GPC5: variants seen among roughly 807,000 people sequenced by gnomAD.
The protein encoded by GPC5 is glypican 5, also known as glypican-5.
Under a neutral mutation model 53.9 loss-of-function variants are expected in GPC5, and 47 were observed. The observed-to-expected ratio is 0.87, with a 90% CI of 0.69 to 1.11. GPC5 has a LOEUF of 1.11. Among genes scored for constraint, GPC5 ranks in the 50% most tolerant of loss-of-function variants. The probability of loss-of-function intolerance (pLI) is 0.00; values close to 1 mark genes in which losing one functional copy is unlikely to be tolerated. For missense variants in GPC5, 748 were observed against 713.1 expected, an observed-to-expected ratio of 1.05 and a Z score of -0.56; for synonymous variants, 286 against 263.3, an observed-to-expected ratio of 1.09 and a Z score of -0.84.
intron 7 of GPC5, among the ~76,000 whole-genome samples, chr13:92,850,514 G>A (rs1026129196): frequency 6.6e-6 from 1 of 152,228 alleles, no homozygotes; most frequent in South Asian, 2.1e-4. Flanking sequence ...CAGGAGAATC[G>A]CTGGAACCCA....
At chr13:92,772,008 A>T (rs1424739835) in intron 7 of GPC5, among the ~76,000 whole-genome samples, 3 of 152,218 alleles carry the variant, frequency 2.0e-5, no homozygotes, top group African/African-American at 7.2e-5. Context: ...ACTCATCTCC[A>T]AAATAATGAA....
intron 7 of GPC5, among the ~76,000 whole-genome samples, chr13:92,786,245 T>C (rs1268481818): frequency 6.6e-6 from 1 of 152,164 alleles, no homozygotes; most frequent in African/African-American, 2.4e-5. Context: ...ATGTAGAAAG[T>C]TCTGAACAAA....
chr13:92,319,786 T>C (rs996719297), intron 7 of GPC5, among the ~76,000 whole-genome samples: 6 of 152,198 alleles, frequency 3.9e-5, no homozygotes, highest in East Asian at 1.9e-4. Context: ...ATCCACATTG[T>C]TATTGCCATG....
intron 7 of GPC5, among the ~76,000 whole-genome samples, chr13:92,245,117 T>G (rs887292269): frequency 6.6e-6 from 1 of 152,098 alleles, no homozygotes; most frequent in African/African-American, 2.4e-5. Flanking sequence ...GGGACACTTG[T>G]CTCTTGCAAA....
chr13:92,457,822 C>G (rs1343960240), intron 7 of GPC5, among the ~76,000 whole-genome samples: 1 of 152,134 alleles, frequency 6.6e-6, no homozygotes, highest in Admixed American at 6.6e-5. Flanking sequence ...TCTCATCTCC[C>G]AATTCCTGAT....
chr13:92,257,508 T>C (rs1479161295), intron 7 of GPC5, among the ~76,000 whole-genome samples: 1 of 149,136 alleles, frequency 6.7e-6, no homozygotes, highest in Admixed American at 6.8e-5. Context: ...CATGTAGTTA[T>C]AACCTTTCAG....
At chr13:92,800,562 C>T (rs765275357) in intron 7 of GPC5, among the ~76,000 whole-genome samples, 13 of 151,784 alleles carry the variant, frequency 8.6e-5, no homozygotes, top group Non-Finnish European at 1.8e-4. Flanking sequence ...TTGGAATTAC[C>T]AACATTCCAG....
chr13:92,532,999 T>C (rs1396934916), intron 7 of GPC5, among the ~76,000 whole-genome samples: 2 of 152,138 alleles, frequency 1.3e-5, no homozygotes, highest in African/African-American at 4.8e-5. Context: ...TATATGACAG[T>C]CTCATTTTAT....
At chr13:92,802,137 A>AT (rs1876928872) in intron 7 of GPC5, among the ~76,000 whole-genome samples, 1 of 151,816 alleles carries the variant, frequency 6.6e-6, no homozygotes, top group Admixed American at 6.6e-5. Flanking sequence ...CAGGTGTACC[A>AT]TTTTTTATTG....
intron 6 of GPC5, among the ~76,000 whole-genome samples, chr13:92,023,905 T>G (rs971853181): frequency 6.6e-6 from 1 of 152,110 alleles, no homozygotes; most frequent in African/African-American, 2.4e-5. Context: ...TGACAATAAG[T>G]TCCAGGTACT....
chr13:92,663,963 T>C (rs1886484208), intron 7 of GPC5, among the ~76,000 whole-genome samples: 1 of 145,548 alleles, frequency 6.9e-6, no homozygotes, highest in Non-Finnish European at 1.5e-5. Flanking sequence ...TCCCAGCTAC[T>C]TGGGAGGCTG....
chr13:91,864,537 T>A (rs1439737024), intron 5 of GPC5, among the ~76,000 whole-genome samples: 1 of 152,202 alleles, frequency 6.6e-6, no homozygotes, highest in Admixed American at 6.5e-5. Context: ...TTTGCCATAT[T>A]ATTTATAAGT....
intron 5 of GPC5, among the ~76,000 whole-genome samples, chr13:91,770,022 T>TGG (rs2037593158): frequency 6.6e-6 from 1 of 152,130 alleles, no homozygotes; most frequent in Admixed American, 6.6e-5. Context: ...ATGCACAACT[T>TGG]CCATATGACT....
intron 7 of GPC5, among the ~76,000 whole-genome samples, chr13:92,214,980 G>A (rs1464877593): frequency 6.6e-6 from 1 of 152,154 alleles, no homozygotes; most frequent in Non-Finnish European, 1.5e-5. Context: ...GAGCCGCCAA[G>A]AGAAATGAAG....
At chr13:92,207,034 A>C (rs2042342826) in intron 7 of GPC5, among the ~76,000 whole-genome samples, 1 of 152,094 alleles carries the variant, frequency 6.6e-6, no homozygotes, top group Admixed American at 6.5e-5. Flanking sequence ...CTATCTTCTT[A>C]TTCATTTTTT....
chr13:91,832,389 A>G (rs189201960), intron 5 of GPC5, among the ~76,000 whole-genome samples: 2 of 146,412 alleles, frequency 1.4e-5, no homozygotes, highest in Non-Finnish European at 3.0e-5. Context: ...TGCATGTGAG[A>G]TGGGCCTCCT....
At chr13:91,870,950 G>A (rs1195321012) in intron 5 of GPC5, among the ~76,000 whole-genome samples, 1 of 152,108 alleles carries the variant, frequency 6.6e-6, no homozygotes, top group Non-Finnish European at 1.5e-5. Flanking sequence ...TTTGCACATA[G>A]GTAATGAGAT....
chr13:92,063,882 G>A (rs2041143844), intron 6 of GPC5, among the ~76,000 whole-genome samples: 2 of 152,048 alleles, frequency 1.3e-5, no homozygotes, highest in East Asian at 1.9e-4. Flanking sequence ...GAAATAAATG[G>A]CATCTATAAT....
At chr13:92,497,925 T>A (rs184034129) in intron 7 of GPC5, among the ~76,000 whole-genome samples, 55 of 152,166 alleles carry the variant, frequency 3.6e-4, no homozygotes, top group Non-Finnish European at 7.1e-4. Context: ...ATGCTTGTGA[T>A]TTTTGCACAT....
Sources: allele counts gnomAD v4.1 joint callset (sites outside exome capture counted in the v4.1 genomes callset), GRCh38; gene constraint gnomAD v4.1.1; transcripts MANE v1.5; gene names NCBI Gene and HGNC (gene_info 2026-07-23, HGNC 2026-07-21).